ANKRD13B: variants seen among roughly 807,000 people sequenced by gnomAD.
ANKRD13B encodes the protein ankyrin repeat domain 13B.
A neutral mutation model predicts 74.4 loss-of-function variants in ANKRD13B; 33 were observed. That is an observed-to-expected ratio of 0.44 (90% CI 0.34 to 0.59). ANKRD13B has a LOEUF of 0.59. Among genes scored for constraint, ANKRD13B ranks in the 20% least tolerant of loss-of-function variants. The pLI is 0.02. For synonymous variants in ANKRD13B, 341 were observed against 362.9 expected, an observed-to-expected ratio of 0.94 and a Z score of 0.68; for missense variants, 676 against 877.9, an observed-to-expected ratio of 0.77 and a Z score of 2.91.
Position 29,611,531 on chromosome 17 carries a change from G to GGT in ANKRD13B, c.905-40_905-39dup, listed in dbSNP as rs758029701. On this transcript the variant is annotated intron_variant, in intron 8 of 14. Coordinates refer to ENST00000394859, the MANE Select transcript of ANKRD13B (RefSeq NM_152345.5). This position sits in a 1 kb window ranked among gnomAD's most constrained non-coding sequence, Gnocchi z 4.3. ...GCTGTCACCTCTGATGAGGTGCCCAGGTGTGTGTGGAGTTGCGGTGTCCTC... is the reference window on the plus strand; with the variant it reads ...GCTGTCACCTCTGATGAGGTGCCCAGGTGTGTGTGTGGAGTTGCGGTGTCCTC... The GGT allele has an allele frequency of 8.2e-6, 13 of 1,593,444 alleles. No homozygotes were observed. The highest frequency in any genetic ancestry group is 3.4e-4 in the Middle Eastern group (2 of 5,904).
chr17:29,594,989 G>A (rs1427180291), intron 1 of ANKRD13B, among the ~76,000 whole-genome samples: 1 of 152,212 alleles, frequency 6.6e-6, no homozygotes, highest in African/African-American at 2.4e-5. Flanking sequence ...CTGTAAATAT[G>A]CGAGTGACCT....
rs1332365493 is a variant in ANKRD13B at position 29,614,753 on chromosome 17, C to G, written c.*1171C>G. The G allele has an allele frequency of 2.6e-5, 4 of 152,564 alleles. No individual in the cohort carries two copies. Among genetic ancestry groups the G allele is most frequent in the Admixed American group, 2.6e-4 (4 of 15,286 alleles). 9.5% of individuals were successfully genotyped at this position (152,564 alleles called of 1,614,324 possible). On this transcript the variant is annotated 3_prime_UTR_variant, in exon 15 of 15. Coordinates refer to ENST00000394859, the MANE Select transcript of ANKRD13B (RefSeq NM_152345.5). ...TCTGAGGCACAAATAAAAGAGGCTT[C>G]ATACCGGAGGCTTTTGCTACCTAAC...
At chr17:29,603,401 C>T (rs1396359947) in intron 1 of ANKRD13B, among the ~76,000 whole-genome samples, 1 of 152,098 alleles carries the variant, frequency 6.6e-6, no homozygotes, top group Non-Finnish European at 1.5e-5. Flanking sequence ...CCACCATGCC[C>T]AGCTAATGTA....
Position 29,607,868 on chromosome 17 carries a change from G to A in ANKRD13B, c.241G>A (p.Gly81Ser). Residue 81 changes from glycine (G) to serine (S), a missense_variant, in exon 2 of 15, where the codon GGC (glycine) becomes AGC (serine). Gly to Ser is a moderately conservative substitution (Grantham distance 56, BLOSUM62 0). Transcript: ENST00000394859. ...AGACGTGGGCAGGGAGAATCGCAGC[G>A]GCTGGACAGGTGGGCAGCCCTGCTC... Reference protein sequence around the residue: ...GADVGRENRSGWTVLQEAVST... With the variant: ...GADVGRENRSSWTVLQEAVST... The A allele has an allele frequency of 1.3e-6, 2 of 1,599,508 alleles. No homozygotes were observed. Among genetic ancestry groups the A allele is most frequent in the Non-Finnish European group, 1.7e-6 (2 of 1,173,956 alleles).
intron 1 of ANKRD13B, among the ~76,000 whole-genome samples, chr17:29,598,102 A>G (rs1035705067): frequency 6.6e-6 from 1 of 151,902 alleles, no homozygotes; most frequent in Admixed American, 6.5e-5. Context: ...TCAGGACCCC[A>G]CCCAGGTTGC....
chr17:29,593,881 A>C, intron 1 of ANKRD13B, 146 bp downstream of exon 1: 8 of 167,816 alleles, frequency 4.8e-5, no homozygotes, highest in East Asian at 2.6e-4. Flanking sequence ...GTGCTTGTTG[A>C]CCGGGAAAGG....
In ANKRD13B at chr17:29,611,597, A is replaced by G; in HGVS notation, c.923A>G (p.Gln308Arg). The change falls in exon 9 of 15, where the codon CAG becomes CGG. Residue 308 changes from glutamine to arginine, a missense_variant. Around this residue, in one of 4 missense-constraint regions of ANKRD13B, gnomAD observed 328 missense variants for 518.4 expected, o/e 0.63. Coordinates refer to ENST00000394859, the MANE Select transcript of ANKRD13B (RefSeq NM_152345.5). The surrounding 1 kb of genome is among the most constrained non-coding windows in gnomAD (Gnocchi z 4.3). ...CTTGTAGGCTGTAAGACACCTTTGC[A>G]GTCCTTCCTGGGAATCGCTGAGCAG... ...GKVKGCKTPL[Q>R]SFLGIAEQHG... 6.2e-7 allele frequency: 1 copy of G among 1,614,170 alleles called. No individual in the cohort carries two copies. The highest frequency in any genetic ancestry group is 8.5e-7 in the Non-Finnish European group (1 of 1,180,020).
In ANKRD13B at chr17:29,611,304, A is replaced by G. The variant is rs1357089727; in HGVS notation, c.905-275A>G. 1.3e-5 allele frequency among the ~76,000 whole-genome samples: 2 copies of G among 152,210 alleles called. No homozygotes were observed. The highest frequency in any genetic ancestry group is 4.8e-5 in the African/African-American group (2 of 41,452). On this transcript the variant is annotated intron_variant, in intron 8 of 14. Transcript: ENST00000394859. This position sits in a 1 kb window ranked among gnomAD's most constrained non-coding sequence, Gnocchi z 4.3. Reference sequence around the variant, plus strand: ...TGCCGGGGCAGGCGTTTTACTGTCCAGGGTCACCGAGCTGGAGAGGAGCAC... The same window carrying G: ...TGCCGGGGCAGGCGTTTTACTGTCCGGGGTCACCGAGCTGGAGAGGAGCAC...
At chr17:29,601,511 T>C (rs1428785517) in intron 1 of ANKRD13B, among the ~76,000 whole-genome samples, 1 of 152,176 alleles carries the variant, frequency 6.6e-6, no homozygotes, top group Non-Finnish European at 1.5e-5. Context: ...CATGAGCCAC[T>C]GTGCCTGGCC....
rs1460429451 is a variant in ANKRD13B at position 29,613,873 on chromosome 17, G to C, written c.*291G>C. On this transcript the variant is annotated 3_prime_UTR_variant, in exon 15 of 15. Transcript: ENST00000394859. ...CAGATCTGTCCTGTCCTAGGGCGGAGCCAGGCGGTCCTGAGGGGGAGATGA... is the reference window on the plus strand; with the variant it reads ...CAGATCTGTCCTGTCCTAGGGCGGACCCAGGCGGTCCTGAGGGGGAGATGA... The C allele has an allele frequency of 4.8e-6, 2 of 415,468 alleles. No individual in the cohort carries two copies. Among genetic ancestry groups the C allele is most frequent in the Non-Finnish European group, 4.2e-6 (1 of 237,548 alleles). 25.7% of individuals were successfully genotyped at this position (415,468 alleles called of 1,614,324 possible). A position where few individuals can be genotyped will look rare whatever the true frequency, so the allele number is the denominator to read the frequency against.
rs1529421 is a variant in ANKRD13B, at chr17:29,608,580, G to C, written c.422-271G>C. On this transcript the variant is annotated intron_variant, in intron 4 of 14. Coordinates refer to ENST00000394859, the MANE Select transcript of ANKRD13B (RefSeq NM_152345.5). The surrounding 1 kb of genome is among the most constrained non-coding windows in gnomAD (Gnocchi z 6.4). ...GGTGTTTCATAAATATTTGTTGAAA[G>C]AATGGATGAAAGAGTGAGTGAGTGA... 203 of 575,384 alleles carry C rather than the reference G, an allele frequency of 3.5e-4. 3 individuals are homozygous for C. The Admixed American group carries it at 6.3e-3, about 18-fold the overall frequency. The allele number at this position is 575,384 out of a possible 1,614,324, so 35.6% of individuals were successfully genotyped here.
intron 1 of ANKRD13B, among the ~76,000 whole-genome samples, chr17:29,601,244 C>CA (rs2034166551): frequency 7.2e-6 from 1 of 138,084 alleles, no homozygotes; most frequent in Admixed American, 7.5e-5. Flanking sequence ...TTTTTTGAGA[C>CA]AGAGTCTCTC....
Position 29,608,999 on chromosome 17 carries a change from G to C in ANKRD13B, c.565+5G>C. The C allele has an allele frequency of 6.2e-7, 1 of 1,614,052 alleles. No individual in the cohort carries two copies. The highest frequency in any genetic ancestry group is 8.5e-7 in the Non-Finnish European group (1 of 1,180,028). On this transcript the variant is annotated splice_donor_5th_base_variant and intron_variant, in intron 5 of 14. Transcript: ENST00000394859. The surrounding 1 kb of genome is among the most constrained non-coding windows in gnomAD (Gnocchi z 6.4). ...GCTTTGTCTTCAGGGGCCAAGGTCA[G>C]GCAGGCAGGAAGTGGGGCAGGGTGG...
In ANKRD13B at chr17:29,608,139, G is replaced by A. The variant is rs1290390833; in HGVS notation, c.375+29G>A. The A allele has an allele frequency of 6.2e-7, 1 of 1,613,708 alleles. No individual in the cohort carries two copies. The highest frequency in any genetic ancestry group is 1.3e-5 in the African/African-American group (1 of 75,042). On this transcript the variant is annotated intron_variant, in intron 3 of 14. Transcript: ENST00000394859. This position sits in a 1 kb window ranked among gnomAD's most constrained non-coding sequence, Gnocchi z 6.4. ...AGGCCCAGCCTCTCAGCCTCCACGG[G>A]AGCCCTTGAGCCCTTCTCCAGTGCA...
chr17:29,612,040 G>T lies in ANKRD13B; in HGVS notation c.1100+34G>T. On this transcript the variant is annotated intron_variant, in intron 10 of 14. Transcript: ENST00000394859. This position sits in a 1 kb window ranked among gnomAD's most constrained non-coding sequence, Gnocchi z 6.1. ...CCTGCCGGTGCTGGGAAGGTGGGGG[G>T]CCGGGGCTCCAGGAGATGCTGGGAG... The T allele has an allele frequency of 6.2e-7, 1 of 1,608,954 alleles. No homozygotes were observed. The highest frequency in any genetic ancestry group is 2.2e-5 in the East Asian group (1 of 44,766).
chr17:29,607,604 C>G, intron 1 of ANKRD13B, 138 bp from the exon 2 acceptor site: 1 of 1,216,142 alleles, frequency 8.2e-7, no homozygotes, highest in Non-Finnish European at 1.1e-6. Context: ...TCTGTCTTTC[C>G]GTTGCCTTGT....
rs1264884377 is a variant in ANKRD13B at position 29,609,530 on chromosome 17, A to G, written c.822+109A>G. ...AGCCCTGGAGGTACAGAAGCAATGCAGCGTGGTCAAGCACTTATATTTGGG... is the reference window on the plus strand; with the variant it reads ...AGCCCTGGAGGTACAGAAGCAATGCGGCGTGGTCAAGCACTTATATTTGGG... On this transcript the variant is annotated intron_variant, in intron 7 of 14. Coordinates refer to ENST00000394859, the MANE Select transcript of ANKRD13B (RefSeq NM_152345.5). This position sits in a 1 kb window ranked among gnomAD's most constrained non-coding sequence, Gnocchi z 4.0. 4.6e-6 allele frequency: 6 copies of G among 1,297,126 alleles called. No homozygotes were observed. In the East Asian group the frequency reaches 1.0e-4, roughly 22 times the overall value. The allele number at this position is 1,297,126 out of a possible 1,614,324, so 80.4% of individuals were successfully genotyped here. A position where few individuals can be genotyped will look rare whatever the true frequency, so the allele number is the denominator to read the frequency against.
Position 29,609,529 on chromosome 17 carries a change from C to A in ANKRD13B, c.822+108C>A. ...CAGCCCTGGAGGTACAGAAGCAATGCAGCGTGGTCAAGCACTTATATTTGG... is the reference window on the plus strand; with the variant it reads ...CAGCCCTGGAGGTACAGAAGCAATGAAGCGTGGTCAAGCACTTATATTTGG... On this transcript the variant is annotated intron_variant, in intron 7 of 14. Coordinates refer to ENST00000394859, the MANE Select transcript of ANKRD13B (RefSeq NM_152345.5). The surrounding 1 kb of genome is among the most constrained non-coding windows in gnomAD (Gnocchi z 4.0). 7.5e-7 allele frequency: 1 copy of A among 1,329,818 alleles called. No individual in the cohort carries two copies. The highest frequency in any genetic ancestry group is 1.3e-5 in the South Asian group (1 of 75,482). 82.4% of individuals were successfully genotyped at this position (1,329,818 alleles called of 1,614,324 possible).
Position 29,608,133 on chromosome 17 carries a change from C to T in ANKRD13B, c.375+23C>T, listed in dbSNP as rs565945797. On this transcript the variant is annotated intron_variant, in intron 3 of 14. Coordinates refer to ENST00000394859, the MANE Select transcript of ANKRD13B (RefSeq NM_152345.5). This position sits in a 1 kb window ranked among gnomAD's most constrained non-coding sequence, Gnocchi z 6.4. ...AAGGTGAGGCCCAGCCTCTCAGCCT[C>T]CACGGGAGCCCTTGAGCCCTTCTCC... 2.5e-6 allele frequency: 4 copies of T among 1,613,778 alleles called. No individual in the cohort carries two copies. The East Asian group carries it at 6.7e-5, about 27-fold the overall frequency.
Sources: gnomAD v4.1 joint callset for allele counts (sites outside exome capture counted in the v4.1 genomes callset) on GRCh38, gnomAD v4.1.1 for gene constraint, gnomAD v4.1.1 regional missense constraint, Gnocchi (gnomAD v3.1) non-coding constraint, MANE v1.5 for transcripts, NCBI Gene and HGNC (gene_info 2026-07-23, HGNC 2026-07-21) for gene names.